Variants in MSI2 observed in about 807,000 individuals in gnomAD.
The protein encoded by MSI2 is RNA-binding protein Musashi homolog 2.
A neutral mutation model predicts 45.6 loss-of-function variants in MSI2; 17 were observed. The ratio of observed to expected loss-of-function variants is 0.37; its 90% CI spans 0.26 to 0.56. The LOEUF (loss-of-function observed/expected upper bound fraction) is 0.56. MSI2 is among the 20% of genes least tolerant of loss of function. The probability of loss-of-function intolerance (pLI) is 0.77; values close to 1 mark genes in which losing one functional copy is unlikely to be tolerated. For synonymous variants in MSI2, 156 were observed against 158.2 expected (o/e 0.99, Z 0.11); for missense variants, 293 against 444.2 (o/e 0.66, Z 3.06).
chr17:57,455,087 G>A (rs1426807585), intron 6 of MSI2, among the ~76,000 whole-genome samples: 1 of 152,170 alleles, frequency 6.6e-6, no homozygotes, highest in East Asian at 1.9e-4. Context: ...TCTCATTCAG[G>A]TGCGTGGGAG....
intron 5 of MSI2, among the ~76,000 whole-genome samples, chr17:57,390,409 C>T (rs1419363317): frequency 6.6e-6 from 1 of 152,122 alleles, no homozygotes; most frequent in Non-Finnish European, 1.5e-5. Flanking sequence ...CAATGAGATC[C>T]CTGAGGGTGG....
intron 5 of MSI2, among the ~76,000 whole-genome samples, chr17:57,336,433 T>C (rs368036096): frequency 1.4e-4 from 22 of 152,328 alleles, no homozygotes; most frequent in African/African-American, 4.8e-4. Context: ...AATGACTCCA[T>C]CTACTTTACT....
rs1913282100 is a variant in MSI2, at chr17:57,677,054, T to C, written c.*26T>C. The C allele has an allele frequency of 6.2e-7, 1 of 1,611,134 alleles. No homozygotes were observed. The highest frequency in any genetic ancestry group is 2.2e-5 in the East Asian group (1 of 44,866). On this transcript the variant is annotated 3_prime_UTR_variant, in exon 13 of 14. Coordinates refer to ENST00000284073, the MANE Select transcript of MSI2 (RefSeq NM_138962.4). The stretch of plus-strand genomic sequence containing the variant: ...GCAGGTGCTTTCGTTGCCATCTCAC[T>C]CTGAGGTATTACCGTCTCTGCCATG...
chr17:57,545,646 C>A (rs2087148612), intron 7 of MSI2, among the ~76,000 whole-genome samples: 1 of 152,200 alleles, frequency 6.6e-6, no homozygotes, highest in African/African-American at 2.4e-5. Context: ...AGTATTGTGA[C>A]TTAATGAACT....
intron 6 of MSI2, among the ~76,000 whole-genome samples, chr17:57,444,328 T>C (rs1258937361): frequency 1.3e-5 from 2 of 151,976 alleles, no homozygotes; most frequent in Admixed American, 6.6e-5. Context: ...CTCACGCCTA[T>C]AATCCCAGCA....
intron 7 of MSI2, among the ~76,000 whole-genome samples, chr17:57,549,312 C>CTTTTT (rs33917812): frequency 4.8e-5 from 6 of 124,274 alleles, no homozygotes; most frequent in African/African-American, 1.2e-4. Context: ...CCCCACTGCC[C>CTTTTT]TTTTTTTTTT....
At chr17:57,497,656 C>A (rs2086007710) in intron 6 of MSI2, among the ~76,000 whole-genome samples, 1 of 152,200 alleles carries the variant, frequency 6.6e-6, no homozygotes, top group South Asian at 2.1e-4. Context: ...TCAGAGATGT[C>A]TTTGGGCCCC....
chr17:57,383,144 A>G (rs2083626300), intron 5 of MSI2, among the ~76,000 whole-genome samples: 1 of 152,242 alleles, frequency 6.6e-6, no homozygotes, highest in African/African-American at 2.4e-5. Flanking sequence ...TGGACAGGAA[A>G]TGAGTTGTTC....
intron 5 of MSI2, among the ~76,000 whole-genome samples, chr17:57,390,592 G>A (rs1408774651): frequency 6.6e-6 from 1 of 152,224 alleles, no homozygotes; most frequent in African/African-American, 2.4e-5. Context: ...GGTAATCAAG[G>A]CTAAGGGTTG....
At chr17:57,276,540 T>A (rs1009498983) in intron 5 of MSI2, among the ~76,000 whole-genome samples, 1 of 152,190 alleles carries the variant, frequency 6.6e-6, no homozygotes, top group Non-Finnish European at 1.5e-5. Context: ...GGAAGAAATA[T>A]GCAGAGAAAG....
chr17:57,546,923 A>G (rs1370688985), intron 7 of MSI2, among the ~76,000 whole-genome samples: 1 of 152,226 alleles, frequency 6.6e-6, no homozygotes, highest in Non-Finnish European at 1.5e-5. Flanking sequence ...TCCTGAGCTC[A>G]TGTTCTGCGG....
At chr17:57,428,313 T>C (rs979275753) in intron 6 of MSI2, among the ~76,000 whole-genome samples, 5 of 152,104 alleles carry the variant, frequency 3.3e-5, no homozygotes, top group African/African-American at 4.8e-5. Context: ...AGCCTCCATC[T>C]CTGGGCTCAA....
At chr17:57,687,510 A>T (rs1202375379), downstream of MSI2, among the ~76,000 whole-genome samples, 3 of 152,182 alleles carry the variant, frequency 2.0e-5, no homozygotes, top group East Asian at 5.8e-4. Flanking sequence ...CAGGGGAATC[A>T]GAAAATTTCT....
intron 5 of MSI2, among the ~76,000 whole-genome samples, chr17:57,350,225 G>GGTGTGTGTGTGTGTGTGTGTGT (rs58596259): frequency 4.1e-5 from 6 of 146,638 alleles, no homozygotes; most frequent in African/African-American, 1.3e-4. Flanking sequence ...CAGAGGTAGG[G>GGTGTGTGTGTGTGTGTGTGTGT]GTGTGTGTGT....
intron 6 of MSI2, among the ~76,000 whole-genome samples, chr17:57,415,415 A>C (rs1174829525): frequency 6.6e-6 from 1 of 152,116 alleles, no homozygotes; most frequent in Non-Finnish European, 1.5e-5. Context: ...AAGTTGAACA[A>C]TTCTCAACTT....
At chr17:57,340,254 C>T (rs1305325326) in intron 5 of MSI2, among the ~76,000 whole-genome samples, 2 of 152,148 alleles carry the variant, frequency 1.3e-5, no homozygotes, top group Non-Finnish European at 2.9e-5. Flanking sequence ...CCCAAGGAGT[C>T]GGCCTCCAGA....
chr17:57,518,644 G>A (rs1401739403), intron 6 of MSI2, among the ~76,000 whole-genome samples: 2 of 152,210 alleles, frequency 1.3e-5, no homozygotes, highest in Non-Finnish European at 2.9e-5. Context: ...TCTCTCCTCT[G>A]GAGCTGGCAG....
At chr17:57,524,150 A>G (rs2086650931) in intron 6 of MSI2, among the ~76,000 whole-genome samples, 2 of 152,334 alleles carry the variant, frequency 1.3e-5, no homozygotes, top group South Asian at 4.1e-4. Context: ...TGCCCTTGTC[A>G]TGGTGATGGC....
chr17:57,654,707 T>C (rs1911455556), intron 11 of MSI2, among the ~76,000 whole-genome samples: 3 of 152,110 alleles, frequency 2.0e-5, no homozygotes, highest in Admixed American at 2.0e-4. Flanking sequence ...TGCATTCCCT[T>C]ATAGGGAGAC....
Sources: allele counts gnomAD v4.1 joint callset (sites outside exome capture counted in the v4.1 genomes callset), GRCh38; gene constraint gnomAD v4.1.1; transcripts MANE v1.5; gene names NCBI Gene and HGNC (gene_info 2026-07-23, HGNC 2026-07-21).